DIAPH3: variants seen among roughly 807,000 people sequenced by gnomAD.
DIAPH3 encodes the protein diaphanous related formin 3, also known as protein diaphanous homolog 3.
DIAPH3 carries 117 observed loss-of-function variants against 144.3 expected under a neutral mutation model. The observed-to-expected ratio is 0.81, with a 90% confidence interval of 0.70 to 0.95. The LOEUF (loss-of-function observed/expected upper bound fraction) is 0.95. Ranked by LOEUF, DIAPH3 falls within the 40% of genes least tolerant of loss-of-function variation. The pLI is 0.00. For missense variants in DIAPH3, 1,421 were observed against 1,412.7 expected (o/e 1.01, Z -0.09); for synonymous variants, 519 against 488.9 (o/e 1.06, Z -0.81).
Position 59,931,918 on chromosome 13 carries a change from T to C in DIAPH3, c.2075-7048A>G, listed in dbSNP as rs967191842. Among the ~76,000 whole-genome samples, 2 of 152,196 alleles carry C rather than the reference T, an allele frequency of 1.3e-5. 1 individual carries two copies. The highest frequency in any genetic ancestry group is 2.9e-5 in the Non-Finnish European group (2 of 68,036). ...AGATGTGGAGAAGAGAAAATGGGAA[T>C]GATGATACAGGTATCAATCCTAGTA... On this transcript the variant is annotated intron_variant, in intron 17 of 27. Coordinates refer to ENST00000400324, the MANE Select transcript of DIAPH3 (RefSeq NM_001042517.2).
At chr13:59,795,641 C>T (rs1036969702) in intron 25 of DIAPH3, among the ~76,000 whole-genome samples, 3 of 151,696 alleles carry the variant, frequency 2.0e-5, no homozygotes, top group Non-Finnish European at 4.4e-5. Flanking sequence ...TTTTAATAGA[C>T]ACAGGGTTTC....
chr13:59,880,279 A>T (rs972536660), intron 20 of DIAPH3, among the ~76,000 whole-genome samples: 9 of 152,206 alleles, frequency 5.9e-5, no homozygotes, highest in Non-Finnish European at 8.8e-5. Context: ...GACATACCAC[A>T]TATGAAGCTA....
intron 27 of DIAPH3, among the ~76,000 whole-genome samples, chr13:59,745,846 C>G (rs1452564690): frequency 6.6e-6 from 1 of 152,168 alleles, no homozygotes; most frequent in African/African-American, 2.4e-5. Context: ...CTAATAGTTT[C>G]ACCCAACTAC....
At chr13:60,107,594 G>A (rs1416806945) in intron 3 of DIAPH3, among the ~76,000 whole-genome samples, 1 of 152,084 alleles carries the variant, frequency 6.6e-6, no homozygotes, top group African/African-American at 2.4e-5. Context: ...GTATTAAATA[G>A]TAGGTCATCT....
intron 22 of DIAPH3, among the ~76,000 whole-genome samples, chr13:59,845,106 T>G (rs2139809817): frequency 6.6e-6 from 1 of 151,944 alleles, no homozygotes; most frequent in East Asian, 1.9e-4. Context: ...AGTGCACTGG[T>G]GTGATCTCGG....
chr13:60,144,623 A>T (rs1262976493), intron 1 of DIAPH3: 1 of 152,218 alleles, frequency 6.6e-6, no homozygotes, highest in Admixed American at 6.5e-5. Flanking sequence ...AGATATGAAA[A>T]TCAGGCTCTA....
chr13:60,156,918 C>CACATATATATATATATATATATATAT lies in DIAPH3; in HGVS notation c.180+6668_180+6669insATATATATATATATATATATATATGT, dbSNP rs1324633645. Among the ~76,000 whole-genome samples the CACATATATATATATATATATATATAT allele has an allele frequency of 5.8e-4, 32 of 55,316 alleles. 3 individuals are homozygous for CACATATATATATATATATATATATAT. Among genetic ancestry groups the CACATATATATATATATATATATATAT allele is most frequent in the Non-Finnish European group, 7.6e-4 (22 of 29,010 alleles). 36.3% of individuals were successfully genotyped at this position (55,316 alleles called of 152,430 possible). ...TAGTGGCCCAGAGACCCAGATCCTTCATATATATATATATATATATATTTT... is the reference window on the plus strand; with the variant it reads ...TAGTGGCCCAGAGACCCAGATCCTTCACATATATATATATATATATATATATATATATATATATATATATATATTTT... On this transcript the variant is annotated intron_variant, in intron 1 of 27. Transcript: ENST00000400324.
At chr13:59,767,484 C>T (rs1397813358) in intron 27 of DIAPH3, among the ~76,000 whole-genome samples, 1 of 151,482 alleles carries the variant, frequency 6.6e-6, no homozygotes, top group Non-Finnish European at 1.5e-5. Flanking sequence ...TATCCTTTTA[C>T]CAGTTTTTTT....
chr13:59,846,914 A>T (rs341505), intron 22 of DIAPH3, among the ~76,000 whole-genome samples: 76,463 of 151,768 alleles, frequency 0.5, 20,701 homozygotes, highest in Non-Finnish European at 0.6. Context: ...CATCTCTATA[A>T]ATTTTTTTAA....
At chr13:59,987,316 G>A (rs1179352991) in intron 12 of DIAPH3, among the ~76,000 whole-genome samples, 1 of 151,038 alleles carries the variant, frequency 6.6e-6, no homozygotes, top group African/African-American at 2.4e-5. Context: ...CACACTCTGG[G>A]GACTGTGGTG....
rs1184419100 is a variant in DIAPH3 at position 59,666,265 on chromosome 13, G to A, written c.*319C>T. On this transcript the variant is annotated 3_prime_UTR_variant, in exon 28 of 28. Transcript: ENST00000400324. Reference sequence around the variant, plus strand: ...CTTAGAAAGATGGTATTTTCTTAAGGACACACTGCTGAACACATGGCCACC... The same window carrying A: ...CTTAGAAAGATGGTATTTTCTTAAGAACACACTGCTGAACACATGGCCACC... The A allele has an allele frequency of 1.7e-5, 4 of 234,122 alleles. No homozygotes were observed. Among genetic ancestry groups the A allele is most frequent in the African/African-American group, 9.3e-5 (4 of 42,920 alleles). 14.5% of individuals were successfully genotyped at this position (234,122 alleles called of 1,614,324 possible). A position where few individuals can be genotyped will look rare whatever the true frequency, so the allele number is the denominator to read the frequency against.
intron 27 of DIAPH3, among the ~76,000 whole-genome samples, chr13:59,742,724 AAAG>A (rs2036526420): frequency 1.7e-5 from 1 of 58,732 alleles, no homozygotes. Flanking sequence ...AAAAGAAAGA[AAAG>A]AAAGAAGCAG....
At chr13:59,854,545 C>T (rs1022100447) in intron 22 of DIAPH3, among the ~76,000 whole-genome samples, 5 of 152,128 alleles carry the variant, frequency 3.3e-5, no homozygotes, top group Admixed American at 6.5e-5. Flanking sequence ...GCTCTATCTA[C>T]TGCTTAGGTT....
chr13:60,060,353 G>T (rs1175456070), intron 4 of DIAPH3, among the ~76,000 whole-genome samples: 1 of 152,086 alleles, frequency 6.6e-6, no homozygotes, highest in Non-Finnish European at 1.5e-5. Context: ...AGTATAAAAT[G>T]CTCACAGTGG....
At chr13:60,087,688 C>T (rs1045238815) in intron 4 of DIAPH3, among the ~76,000 whole-genome samples, 2 of 151,686 alleles carry the variant, frequency 1.3e-5, no homozygotes, top group African/African-American at 4.8e-5. Context: ...ATAGCCCTTA[C>T]ATTCAGTTGG....
intron 4 of DIAPH3, among the ~76,000 whole-genome samples, chr13:60,080,671 T>C (rs74687310): frequency 1.9e-3 from 291 of 152,016 alleles, no homozygotes; most frequent in African/African-American, 6.4e-3. Flanking sequence ...TGAAATAACA[T>C]TACATTTTCT....
intron 5 of DIAPH3, among the ~76,000 whole-genome samples, chr13:60,035,993 C>T (rs192681761): frequency 2.8e-4 from 43 of 152,266 alleles, no homozygotes; most frequent in Non-Finnish European, 6.2e-4. Flanking sequence ...TATAGCACTT[C>T]CTGTCAGACA....
chr13:59,889,843 TCTTAGACC>T (rs1283228552), intron 20 of DIAPH3, among the ~76,000 whole-genome samples: 1 of 151,834 alleles, frequency 6.6e-6, no homozygotes, highest in Non-Finnish European at 1.5e-5. Context: ...AGATTTGTTT[TCTTAGACC>T]CTCTAACTTA....
chr13:59,790,329 A>G (rs1431897594), intron 25 of DIAPH3, among the ~76,000 whole-genome samples: 1 of 152,218 alleles, frequency 6.6e-6, no homozygotes, highest in East Asian at 1.9e-4. Context: ...CCTTAAACAC[A>G]GAACCATATA....
Sources: allele counts gnomAD v4.1 joint callset (sites outside exome capture counted in the v4.1 genomes callset), GRCh38; gene constraint gnomAD v4.1.1; transcripts MANE v1.5; gene names NCBI Gene and HGNC (gene_info 2026-07-23, HGNC 2026-07-21).